Variants in FANCA observed in about 807,000 individuals in gnomAD.
The protein encoded by FANCA is Fanconi anemia group A protein.
FANCA carries 236 observed loss-of-function variants against 194.3 expected under a neutral mutation model. The ratio of observed to expected loss-of-function variants is 1.21; its 90% CI spans 1.09 to 1.35. The LOEUF (loss-of-function observed/expected upper bound fraction) is 1.35, where lower values mean the gene tolerates loss of function less well. FANCA is among the 40% of genes most tolerant of loss of function. The probability of loss-of-function intolerance (pLI) is 0.00; values close to 1 mark genes in which losing one functional copy is unlikely to be tolerated. For synonymous variants in FANCA, 1,014 were observed against 715.8 expected (o/e 1.42, Z -6.65); for missense variants, 2,628 against 1,813.9 (o/e 1.45, Z -8.15).
chr16:89,790,712 C>G (rs2040041062), intron 14 of FANCA, among the ~76,000 whole-genome samples: 1 of 151,572 alleles, frequency 6.6e-6, no homozygotes, highest in Admixed American at 6.6e-5. Context: ...TGCACTCTAG[C>G]CTGGGCGACA....
At chr16:89,807,184 CTTTTTTTT>C (rs1011419652) in intron 6 of FANCA, among the ~76,000 whole-genome samples, 2 of 134,384 alleles carry the variant, frequency 1.5e-5, no homozygotes, top group East Asian at 4.2e-4. Flanking sequence ...GCAGGTTTTT[CTTTTTTTT>C]TTTTTTTTTG....
intron 14 of FANCA, among the ~76,000 whole-genome samples, chr16:89,787,140 A>G (rs2039924853): frequency 6.6e-6 from 1 of 152,202 alleles, no homozygotes; most frequent in Admixed American, 6.5e-5. Flanking sequence ...AAAAAATTAC[A>G]CTTAATGGCT....
chr16:89,792,197 G>A (rs2040099869), intron 12 of FANCA, 129 bp from the exon 13 acceptor site: 1 of 1,110,858 alleles, frequency 9.0e-7, no homozygotes, highest in South Asian at 1.3e-5. Flanking sequence ...AACACATGGA[G>A]CTGTGACAGC....
chr16:89,755,661 CA>C (rs1224601736), intron 30 of FANCA, among the ~76,000 whole-genome samples: 1 of 151,990 alleles, frequency 6.6e-6, no homozygotes, highest in Non-Finnish European at 1.5e-5. Context: ...AAAATATTTA[CA>C]AATCATATAT....
intron 6 of FANCA, among the ~76,000 whole-genome samples, chr16:89,807,302 C>T (rs530514296): frequency 6.7e-6 from 1 of 149,798 alleles, no homozygotes; most frequent in Non-Finnish European, 1.5e-5. Context: ...ACTAAACATA[C>T]AAAAATTAGC....
chr16:89,816,504 C>A (rs2041135545), intron 1 of FANCA, 33 bp downstream of exon 1: 2 of 1,467,744 alleles, frequency 1.4e-6, no homozygotes, highest in African/African-American at 3.0e-5. Flanking sequence ...GGCCGGACGC[C>A]GCCCACTCCC....
At chr16:89,789,278 C>T (rs1163901393) in intron 14 of FANCA, among the ~76,000 whole-genome samples, 1 of 139,986 alleles carries the variant, frequency 7.1e-6, no homozygotes, top group African/African-American at 2.8e-5. Context: ...GCTCAGCCTC[C>T]TGTGCAGCCT....
At chr16:89,787,922 G>A (rs936934371) in intron 14 of FANCA, among the ~76,000 whole-genome samples, 1 of 151,622 alleles carries the variant, frequency 6.6e-6, no homozygotes, top group Non-Finnish European at 1.5e-5. Context: ...TGCCCAGGCT[G>A]GAGTGCAGTG....
intron 5 of FANCA, 78 bp downstream of exon 5, chr16:89,810,629 G>GTAC: frequency 4.3e-6 from 4 of 924,874 alleles, no homozygotes; most frequent in Non-Finnish European, 7.2e-6. Flanking sequence ...GAAAACCCAG[G>GTAC]TACTCTGTTG....
chr16:89,790,284 C>T (rs2040024259), intron 14 of FANCA, among the ~76,000 whole-genome samples: 1 of 151,846 alleles, frequency 6.6e-6, no homozygotes, highest in Non-Finnish European at 1.5e-5. Context: ...ACCCCAGCTA[C>T]TCGGGAGGCG....
chr16:89,771,729 T>C lies in FANCA; in HGVS notation c.2100A>G (p.Ser700=), dbSNP rs1342083736. The C allele has an allele frequency of 6.2e-7, 1 of 1,614,196 alleles. No homozygotes were observed. The highest frequency in any genetic ancestry group is 1.7e-5 in the Admixed American group (1 of 60,018). ...HNEDDSSVEI[S]KIQLSINTPR... ...GCGTGTTGATGCTGAGCTGAATCTT[T>C]GATATCTCAACGCTGCTGTCATCCT... The change falls in exon 23 of 43, where the codon TCA becomes TCG. Residue 700 remains serine (S), a synonymous_variant. Transcript: ENST00000389301.
At position 89,778,836 on chromosome 16, in the gene FANCA, A is replaced by C; in HGVS notation, c.1791T>G (p.Pro597=). 6.2e-7 allele frequency: 1 copy of C among 1,614,076 alleles called. No homozygotes were observed. Among genetic ancestry groups the C allele is most frequent in the East Asian group, 2.2e-5 (1 of 44,876 alleles). Residue 597 remains proline, a synonymous_variant, in exon 20 of 43, where the codon CCT becomes CCG. Coordinates refer to ENST00000389301, the MANE Select transcript of FANCA (RefSeq NM_000135.4). ...ACTCTATAAACGCCACACGGGAGTC[A>C]GGGACTTTGGGGAGCTGTGGGAAGA... ...LLTPRVLPKV[P]DSRVAFIESL...
chr16:89,738,984 A>T lies in FANCA; in HGVS notation c.4168-10T>A. 1 of 1,614,208 alleles carries T rather than the reference A, an allele frequency of 6.2e-7. No individual in the cohort carries two copies. Among genetic ancestry groups the T allele is most frequent in the African/African-American group, 1.3e-5 (1 of 75,064 alleles). ...GTTCCACGGGGTTGCCCTAGAGAGA[A>T]AACAGGCAAACTCACAGGTTAGAAG... On this transcript the variant is annotated splice_polypyrimidine_tract_variant and intron_variant, in intron 41 of 42. Transcript: ENST00000389301.
At chr16:89,768,836 C>T (rs534007185) in intron 26 of FANCA, among the ~76,000 whole-genome samples, 39 of 152,270 alleles carry the variant, frequency 2.6e-4, no homozygotes, top group African/African-American at 8.9e-4. Context: ...GGCCCTGTCT[C>T]CCCCAAGCCA....
intron 3 of FANCA, among the ~76,000 whole-genome samples, chr16:89,812,064 G>T (rs879361335): frequency 6.6e-6 from 1 of 150,820 alleles, no homozygotes; most frequent in African/African-American, 2.4e-5. Flanking sequence ...GGCCGGGCAC[G>T]GTGGCTCACG....
intron 17 of FANCA, among the ~76,000 whole-genome samples, 192 bp from the exon 18 acceptor site, chr16:89,780,149 G>C (rs969678360): frequency 5.3e-5 from 8 of 152,192 alleles, no homozygotes; most frequent in African/African-American, 9.6e-5. Flanking sequence ...CAGCACGACA[G>C]GGGAGGATGA....
At chr16:89,793,838 C>A (rs557393469) in intron 11 of FANCA, among the ~76,000 whole-genome samples, 137 of 152,290 alleles carry the variant, frequency 9.0e-4, no homozygotes, top group African/African-American at 3.1e-3. Flanking sequence ...GCAAGCTCTG[C>A]CTCTCGGGTT....
chr16:89,764,786 G>A, intron 28 of FANCA, 104 bp downstream of exon 28: 1 of 1,351,392 alleles, frequency 7.4e-7, no homozygotes, highest in Non-Finnish European at 1.1e-6. Context: ...GCATGATGCA[G>A]GGGAAGGAAC....
At chr16:89,799,269 C>A (rs771538490) in intron 9 of FANCA, 37 bp from the exon 10 acceptor site, 1 of 1,611,784 alleles carries the variant, frequency 6.2e-7, no homozygotes, top group Admixed American at 1.7e-5. Flanking sequence ...CAGATGTCAG[C>A]ACACGGCGGC....
Sources: allele counts gnomAD v4.1 joint callset (sites outside exome capture counted in the v4.1 genomes callset), GRCh38; gene constraint gnomAD v4.1.1; transcripts MANE v1.5; gene names NCBI Gene and HGNC (gene_info 2026-07-23, HGNC 2026-07-21).